The following TRIM39 variants were observed in gnomAD, a reference collection of about 807,000 sequenced individuals.
The protein encoded by TRIM39 is tripartite motif containing 39, also known as E3 ubiquitin-protein ligase TRIM39.
Under a neutral mutation model 53.6 loss-of-function variants are expected in TRIM39, and 5 were observed. The observed-to-expected ratio is 0.09, with a 90% confidence interval of 0.05 to 0.20. The LOEUF is 0.20. TRIM39 is among the 10% of genes least tolerant of loss of function. TRIM39 has a pLI of 1.00. For synonymous variants in TRIM39, 196 were observed against 237.6 expected, an observed-to-expected ratio of 0.82 and a Z score of 1.61; for missense variants, 310 against 621.0, an observed-to-expected ratio of 0.50 and a Z score of 5.32.
chr6:30,329,072 G>T, intron 2 of TRIM39, 31 bp downstream of exon 2: 1 of 533,364 alleles, frequency 1.9e-6, no homozygotes. Context: ...ATTGGGGGTT[G>T]TGTGTCAGTT....
intron 6 of TRIM39, 139 bp downstream of exon 6, chr6:30,340,069 GC>G: frequency 7.4e-7 from 1 of 1,349,980 alleles, no homozygotes; most frequent in Non-Finnish European, 1.0e-6. Context: ...TGTTCATTGT[GC>G]CCATGAAGCC....
At chr6:30,328,635 A>G (rs1478485731) in intron 1 of TRIM39, among the ~76,000 whole-genome samples, 1 of 151,312 alleles carries the variant, frequency 6.6e-6, no homozygotes, top group Non-Finnish European at 1.5e-5. Flanking sequence ...AAAGTTATGC[A>G]TGGACTTTTT....
intron 6 of TRIM39, 154 bp from the exon 7 acceptor site, chr6:30,340,351 G>T (rs1257685453): frequency 2.7e-5 from 43 of 1,612,956 alleles, no homozygotes; most frequent in Non-Finnish European, 3.4e-5. Context: ...ATTAGTAAAA[G>T]AAATCAACAG....
chr6:30,340,295 G>T (rs1170495705), intron 6 of TRIM39: 1 of 1,612,978 alleles, frequency 6.2e-7, no homozygotes, highest in Non-Finnish European at 8.5e-7. Context: ...AAGTTCGGAG[G>T]CTCACTCTCA....
chr6:30,331,283 A>G (rs28386820), intron 4 of TRIM39, among the ~76,000 whole-genome samples: 1 of 29,608 alleles, frequency 3.4e-5, no homozygotes, highest in Non-Finnish European at 6.4e-5. Flanking sequence ...AAACAAAAAA[A>G]ACAAACAAAA....
rs1030305157 is a variant in TRIM39 at position 30,335,632 on chromosome 6, C to A, written c.550-113C>A. On this transcript the variant is annotated intron_variant, in intron 4 of 7. Transcript: ENST00000396551. This position sits in a 1 kb window ranked among gnomAD's most constrained non-coding sequence, Gnocchi z 4.7. The stretch of plus-strand genomic sequence containing the variant: ...GTCACCACACCCAGCCTTTGTTAAA[C>A]CATTTTCAATGAAACTGGAAGTCTG... 3.9e-5 allele frequency: 54 copies of A among 1,388,636 alleles called. No homozygotes were observed. The highest frequency in any genetic ancestry group is 1.8e-4 in the Admixed American group (7 of 39,390). 86.0% of individuals were successfully genotyped at this position (1,388,636 alleles called of 1,614,324 possible).
rs556196495 is a variant in TRIM39 at position 30,338,499 on chromosome 6, T to C, written c.781-1409T>C. On this transcript the variant is annotated intron_variant, in intron 5 of 7. Coordinates refer to ENST00000396551, the Ensembl canonical transcript of TRIM39. This position sits in a 1 kb window ranked among gnomAD's most constrained non-coding sequence, Gnocchi z 4.0. ...AGTGGATCAGTTAGAACACATAAAA[T>C]ATATTTATCGATTAAGTTGTTCGTC... 4.6e-5 allele frequency among the ~76,000 whole-genome samples: 7 copies of C among 151,586 alleles called. No individual in the cohort carries two copies. Among genetic ancestry groups the C allele is most frequent in the African/African-American group, 1.7e-4 (7 of 41,174 alleles).
chr6:30,338,529 A>G lies in TRIM39; in HGVS notation c.781-1379A>G, dbSNP rs3129837. Among the ~76,000 whole-genome samples, 18,578 of 151,038 alleles carry G rather than the reference A, an allele frequency of 0.12. 1,293 individuals are homozygous for G. Among genetic ancestry groups the G allele is most frequent in the Non-Finnish European group, 0.15 (10,151 of 67,834 alleles). ...TTATCGATTAAGTTGTTCGTCTTAT[A>G]TGGATGCAGTTCACAGTGCCCCCAT... On this transcript the variant is annotated intron_variant, in intron 5 of 7. Coordinates refer to ENST00000396551, the Ensembl canonical transcript of TRIM39. This position sits in a 1 kb window ranked among gnomAD's most constrained non-coding sequence, Gnocchi z 4.0.
chr6:30,330,653 C>G (rs1786034682), intron 3 of TRIM39, 128 bp from the exon 4 acceptor site: 1 of 964,486 alleles, frequency 1.0e-6, no homozygotes, highest in African/African-American at 1.7e-5. Flanking sequence ...GGAAGGAAGT[C>G]AGATCAAGAG....
chr6:30,331,242 C>T (rs769904641), intron 4 of TRIM39, among the ~76,000 whole-genome samples: 5 of 150,722 alleles, frequency 3.3e-5, no homozygotes, highest in African/African-American at 7.4e-5. Context: ...GTACTCCAGC[C>T]TGGGCAACAG....
Position 30,341,786 on chromosome 6 carries a change from G to A in TRIM39, c.994G>A (p.Val332Met), listed in dbSNP as rs760965483. ...AGAGGATCGTAAGAGCGTCAAGTTC[G>A]TGGAGACAAGACTCCGGGATCTCCC... The change falls in exon 8 of 8, where the codon GTG (valine) becomes ATG (methionine). Residue 332 changes from valine (V) to methionine (M), a missense_variant. By Grantham distance (21) the Val-to-Met change is conservative. Transcript: ENST00000396551. 3.1e-6 allele frequency: 5 copies of A among 1,612,982 alleles called. No homozygotes were observed. The African/African-American group carries it at 5.3e-5, about 17-fold the overall frequency.
At position 30,335,351 on chromosome 6, in the gene TRIM39, A is replaced by T. The variant is rs974756239; in HGVS notation, c.550-394A>T. ...TCCTGTCTGTCTGTCTTTCATCTCG[A>T]TCTGTTGCCCAAGCTGGAGTGCAAT... On this transcript the variant is annotated intron_variant, in intron 4 of 7. Coordinates refer to ENST00000396551, the Ensembl canonical transcript of TRIM39. The surrounding 1 kb of genome is among the most constrained non-coding windows in gnomAD (Gnocchi z 4.7). Among the ~76,000 whole-genome samples, 1 of 151,370 alleles carries T rather than the reference A, an allele frequency of 6.6e-6. No individual in the cohort carries two copies. Among genetic ancestry groups the T allele is most frequent in the Non-Finnish European group, 1.5e-5 (1 of 67,872 alleles).
At chr6:30,329,855 G>A in intron 3 of TRIM39, 85 bp downstream of exon 3, 3 of 1,497,064 alleles carry the variant, frequency 2.0e-6, no homozygotes, top group Admixed American at 2.2e-5. Flanking sequence ...GAGATCGTAA[G>A]CTCCTACTAC....
At chr6:30,341,605 G>A in intron 7 of TRIM39, 107 bp from the exon 8 acceptor site, 2 of 1,466,358 alleles carry the variant, frequency 1.4e-6, no homozygotes, top group Non-Finnish European at 1.8e-6. Context: ...GTTGTTCTGG[G>A]GACCTTTAAG....
intron 2 of TRIM39, 131 bp downstream of exon 2, chr6:30,329,172 G>A (rs1785808876): frequency 1.0e-6 from 1 of 973,574 alleles, no homozygotes; most frequent in South Asian, 1.7e-5. Context: ...AAGAGAAGAT[G>A]GAGAATAACA....
In TRIM39 at chr6:30,329,785, A is replaced by T. The variant is rs769071517; in HGVS notation, c.453+15A>T. On this transcript the variant is annotated intron_variant, in intron 3 of 7. Transcript: ENST00000396551. Reference sequence around the variant, plus strand: ...AGGAGTACAAGGTGGGGAAGCAGACACACGATGTCAGTGTGGGTAAAAAGG... The same window carrying T: ...AGGAGTACAAGGTGGGGAAGCAGACTCACGATGTCAGTGTGGGTAAAAAGG... 4 of 1,605,454 alleles carry T rather than the reference A, an allele frequency of 2.5e-6. No homozygotes were observed. Among genetic ancestry groups the T allele is most frequent in the South Asian group, 1.1e-5 (1 of 90,746 alleles).
At position 30,340,156 on chromosome 6, in the gene TRIM39, A is replaced by T. The variant is rs1295658263; in HGVS notation, c.803+226A>T. The T allele has an allele frequency of 2.8e-6, 3 of 1,076,726 alleles. No homozygotes were observed. In the East Asian group the frequency reaches 7.5e-5, roughly 27 times the overall value. The allele number at this position is 1,076,726 out of a possible 1,614,324, so 66.7% of individuals were successfully genotyped here. ...TCAGGACTTCTTGAGAAGGAGAATG[A>T]TAAGGTAGAATCAGATTCTACTTGT... On this transcript the variant is annotated intron_variant, in intron 6 of 7. Coordinates refer to ENST00000396551, the Ensembl canonical transcript of TRIM39.
intron 4 of TRIM39, among the ~76,000 whole-genome samples, chr6:30,334,172 C>T (rs1378273611): frequency 6.6e-6 from 1 of 152,248 alleles, no homozygotes; most frequent in Non-Finnish European, 1.5e-5. Flanking sequence ...CCACGCTTGT[C>T]AGGCCCATCC....
At chr6:30,326,781 C>T (rs1490353875) in exon 1 of TRIM39, 1 of 153,284 alleles carries the variant, frequency 6.5e-6, no homozygotes, top group African/African-American at 2.4e-5. Flanking sequence ...CTTCTCATCG[C>T]CAGCCCTCCT....
Sources: gnomAD v4.1 joint callset for allele counts (sites outside exome capture counted in the v4.1 genomes callset) on GRCh38, gnomAD v4.1.1 for gene constraint, Gnocchi (gnomAD v3.1) non-coding constraint, MANE v1.5 for transcripts, NCBI Gene and HGNC (gene_info 2026-07-23, HGNC 2026-07-21) for gene names.